The following DOP1A variants were observed in gnomAD, a reference collection of about 807,000 sequenced individuals.
DOP1A encodes protein DOP1A.
Under a neutral mutation model 267.6 loss-of-function variants are expected in DOP1A, and 90 were observed. The ratio of observed to expected loss-of-function variants is 0.34; its 90% confidence interval spans 0.28 to 0.40. DOP1A has a LOEUF of 0.40. Ranked by LOEUF, DOP1A falls within the 10% of genes least tolerant of loss-of-function variation. The pLI is 1.00. For missense variants in DOP1A, 2,437 were observed against 2,900.4 expected (o/e 0.84, Z 3.67); for synonymous variants, 932 against 999.1 (o/e 0.93, Z 1.27).
At chr6:83,078,972 G>A (rs1011000793) in intron 1 of DOP1A, among the ~76,000 whole-genome samples, 2 of 152,086 alleles carry the variant, frequency 1.3e-5, no homozygotes, top group Non-Finnish European at 2.9e-5. Context: ...GACATTGAAG[G>A]GTTGTAGGAG....
chr6:83,156,915 G>A (rs948968236), intron 34 of DOP1A, among the ~76,000 whole-genome samples: 1 of 152,126 alleles, frequency 6.6e-6, no homozygotes, highest in African/African-American at 2.4e-5. Context: ...CCATCCATAA[G>A]TACAAAACTT....
At chr6:83,104,003 T>C (rs993307205) in intron 4 of DOP1A, among the ~76,000 whole-genome samples, 6 of 152,206 alleles carry the variant, frequency 3.9e-5, no homozygotes, top group South Asian at 2.1e-4. Context: ...TTCTTTATGC[T>C]GTCTTTTGAA....
intron 4 of DOP1A, among the ~76,000 whole-genome samples, chr6:83,103,127 T>C (rs1208547186): frequency 6.6e-6 from 1 of 152,200 alleles, no homozygotes; most frequent in African/African-American, 2.4e-5. Flanking sequence ...TGTTGGTATT[T>C]GTTGGACTTT....
rs1237236037 is a variant in DOP1A, at chr6:83,121,926, T to G, written c.1100-4T>G. The stretch of plus-strand genomic sequence containing the variant: ...ACTGTCTTTAATTTGAATATTAATT[T>G]TAGGACCTGTAATTCTAGAAGATGT... On this transcript the variant is annotated splice_polypyrimidine_tract_variant and splice_region_variant and intron_variant, in intron 10 of 38. Transcript: ENST00000349129. The G allele has an allele frequency of 6.3e-7, 1 of 1,593,716 alleles. No homozygotes were observed.
chr6:83,145,204 A>AATATATATATATATAATATATATATAT (rs1252551351), intron 24 of DOP1A, among the ~76,000 whole-genome samples: 1 of 646 alleles, frequency 1.5e-3, no homozygotes, highest in African/African-American at 5.6e-3. Flanking sequence ...ATATATATAT[A>AATATATATATATATAATATATATATAT]ATAATATATA....
At position 83,138,633 on chromosome 6, in the gene DOP1A, T is replaced by C; in HGVS notation, c.4591T>C (p.Cys1531Arg). ...KCKVQKVILH[C>R]LLSSIFSAQK... The stretch of plus-strand genomic sequence containing the variant: ...CAAAGTTCAGAAAGTGATTCTTCAT[T>C]GTTTGCTGTCATCTATCTTTAGTGC... Residue 1531 changes from cysteine (C) to arginine (R), a missense_variant, in exon 21 of 39, where the codon TGT becomes CGT. Cys to Arg is a radical substitution (Grantham distance 180). This residue lies in a region of DOP1A where 878 missense variants were observed against 992.9 expected (regional missense o/e 0.88). Coordinates refer to ENST00000349129, the MANE Select transcript of DOP1A (RefSeq NM_015018.4). The C allele has an allele frequency of 6.2e-7, 1 of 1,613,944 alleles. No homozygotes were observed. The highest frequency in any genetic ancestry group is 8.5e-7 in the Non-Finnish European group (1 of 1,179,928).
In DOP1A at chr6:83,157,611, G is replaced by A. The variant is rs561787132; in HGVS notation, c.6741+293G>A. ...ACACTACATTTTTAACTCTGTCATG[G>A]CCTACAGTCCTGACAATAGCAGCTG... On this transcript the variant is annotated intron_variant, in intron 35 of 38. Coordinates refer to ENST00000349129, the MANE Select transcript of DOP1A (RefSeq NM_015018.4). Among the ~76,000 whole-genome samples, 5 of 152,254 alleles carry A rather than the reference G, an allele frequency of 3.3e-5. No individual in the cohort carries two copies. In the East Asian group the frequency reaches 7.7e-4, roughly 23 times the overall value.
chr6:83,137,112 A>G lies in DOP1A; in HGVS notation c.3131-61A>G, dbSNP rs1204438035. 2.1e-6 allele frequency: 3 copies of G among 1,414,162 alleles called. No individual in the cohort carries two copies. In the Admixed American group the frequency reaches 8.0e-5, roughly 38 times the overall value. The allele number at this position is 1,414,162 out of a possible 1,614,324, so 87.6% of individuals were successfully genotyped here. On this transcript the variant is annotated intron_variant, in intron 20 of 38. Transcript: ENST00000349129. ...AATTTTGATCAGTCTACATTTCTAC[A>G]TTTCAATTATTTTAATGCATTTTGT...
chr6:83,088,899 T>C (rs958391690), intron 1 of DOP1A, among the ~76,000 whole-genome samples: 3 of 152,210 alleles, frequency 2.0e-5, no homozygotes, highest in African/African-American at 7.2e-5. Context: ...ATGGTAACAA[T>C]TACTGAATGG....
At chr6:83,073,699 T>C (rs574054154) in intron 1 of DOP1A, among the ~76,000 whole-genome samples, 11 of 152,348 alleles carry the variant, frequency 7.2e-5, no homozygotes, top group Admixed American at 6.5e-4. Flanking sequence ...AGGGAAGTTA[T>C]TTGGCTTGAG....
chr6:83,092,561 C>G lies in DOP1A; in HGVS notation c.-146-4170C>G, dbSNP rs556318222. ...TGAAGGGACAGTAGTGTCCCTCCCC[C>G]CCCCCCCACCATATTCACCAGGGAT... On this transcript the variant is annotated intron_variant, in intron 1 of 38. Coordinates refer to ENST00000349129, the MANE Select transcript of DOP1A (RefSeq NM_015018.4). Among the ~76,000 whole-genome samples the G allele has an allele frequency of 9.8e-3, 1,110 of 113,024 alleles. 19 individuals carry two copies. The highest frequency in any genetic ancestry group is 0.035 in the African/African-American group (1,055 of 29,726). 74.1% of individuals were successfully genotyped at this position (113,024 alleles called of 152,430 possible). A position where few individuals can be genotyped will look rare whatever the true frequency, so the allele number is the denominator to read the frequency against.
In DOP1A at chr6:83,141,976, T is replaced by A; in HGVS notation, c.5471T>A (p.Val1824Asp). Residue 1824 changes from valine to aspartate, a missense_variant, in exon 24 of 39, where the codon GTT (valine) becomes GAT (aspartate). This residue lies in a region of DOP1A where 307 missense variants were observed against 308.6 expected (regional missense o/e 0.99). Coordinates refer to ENST00000349129, the MANE Select transcript of DOP1A (RefSeq NM_015018.4). ...LLGPISMNHG[V>D]HFMAAIAFVW... Reference sequence around the variant, plus strand: ...GGCCCCATTTCAATGAATCATGGTGTTCACTTTATGGCTGCCATTGCATTT... The same window carrying A: ...GGCCCCATTTCAATGAATCATGGTGATCACTTTATGGCTGCCATTGCATTT... 1 of 1,612,952 alleles carries A rather than the reference T, an allele frequency of 6.2e-7. No individual in the cohort carries two copies. The highest frequency in any genetic ancestry group is 1.3e-5 in the African/African-American group (1 of 74,978).
intron 13 of DOP1A, 26 bp downstream of exon 13, chr6:83,124,845 T>A: frequency 6.5e-7 from 1 of 1,537,272 alleles, no homozygotes; most frequent in Non-Finnish European, 9.0e-7. Flanking sequence ...TAAGAAAATA[T>A]CAAGGAAATC....
intron 14 of DOP1A, 131 bp from the exon 15 acceptor site, chr6:83,125,369 T>C (rs1436515771): frequency 9.9e-7 from 1 of 1,014,118 alleles, no homozygotes; most frequent in Non-Finnish European, 1.4e-6. Context: ...AAATATACAG[T>C]GTTAATTAAG....
rs972871692 is a variant in DOP1A at position 83,159,903 on chromosome 6, G to C, written c.6905G>C (p.Cys2302Ser). The C allele has an allele frequency of 6.2e-7, 1 of 1,614,004 alleles. No homozygotes were observed. The highest frequency in any genetic ancestry group is 8.5e-7 in the Non-Finnish European group (1 of 1,180,008). The change falls in exon 37 of 39, where the codon TGC becomes TCC. Residue 2302 changes from cysteine to serine, a missense_variant. By Grantham distance (112) the Cys-to-Ser change is moderately radical (BLOSUM62 -1). Around this residue, in one of 9 missense-constraint regions of DOP1A, gnomAD observed 197 missense variants for 246.5 expected, o/e 0.80. Coordinates refer to ENST00000349129, the MANE Select transcript of DOP1A (RefSeq NM_015018.4). ...TGGTTAAACCTCTATCTCTCTGCTT[G>C]CAAATTTTTGGATTTGGCTCTCGCA... ...QRWLNLYLSA[C>S]KFLDLALALP... is the part of the protein sequence containing the mutation.
chr6:83,077,459 A>C (rs912514192), intron 1 of DOP1A, among the ~76,000 whole-genome samples: 2 of 152,210 alleles, frequency 1.3e-5, no homozygotes, highest in African/African-American at 2.4e-5. Flanking sequence ...GTTTGAGGCC[A>C]CAAGTTCAAG....
intron 20 of DOP1A, 93 bp from the exon 21 acceptor site, chr6:83,137,080 G>A (rs1431714615): frequency 8.5e-7 from 1 of 1,175,100 alleles, no homozygotes; most frequent in Non-Finnish European, 1.1e-6. Flanking sequence ...TGACACTAAT[G>A]ATTAAAAATT....
intron 1 of DOP1A, chr6:83,073,006 AT>A (rs1299016712): frequency 1.9e-5 from 7 of 376,690 alleles, no homozygotes; most frequent in Non-Finnish European, 5.3e-6. Flanking sequence ...AGTCTCTGAC[AT>A]TTTGGAAGAA....
At chr6:83,144,493 G>C (rs1780157342) in intron 24 of DOP1A, among the ~76,000 whole-genome samples, 1 of 152,106 alleles carries the variant, frequency 6.6e-6, no homozygotes. Context: ...AGCAAACAAA[G>C]CAGTTTATTA....
Sources: allele counts gnomAD v4.1 joint callset (sites outside exome capture counted in the v4.1 genomes callset), GRCh38; gene constraint gnomAD v4.1.1; regional missense constraint gnomAD v4.1.1; transcripts MANE v1.5; gene names NCBI Gene and HGNC (gene_info 2026-07-23, HGNC 2026-07-21).